Variants in CIB4 observed in about 807,000 individuals in gnomAD.
CIB4 encodes the protein calcium and integrin binding family member 4.
CIB4 carries 25 observed loss-of-function variants against 25.8 expected under a neutral mutation model. The ratio of observed to expected loss-of-function variants is 0.97; its 90% CI spans 0.71 to 1.35. The LOEUF (loss-of-function observed/expected upper bound fraction) is 1.35. CIB4 is among the 40% of genes most tolerant of loss of function. The probability of loss-of-function intolerance (pLI) is 0.00; values close to 1 mark genes in which losing one functional copy is unlikely to be tolerated. For missense variants in CIB4, 235 were observed against 228.2 expected, an observed-to-expected ratio of 1.03 and a Z score of -0.19; for synonymous variants, 75 against 81.4, an observed-to-expected ratio of 0.92 and a Z score of 0.42.
At chr2:26,589,216 TTCC>T (rs1269882403) in intron 4 of CIB4, among the ~76,000 whole-genome samples, 2 of 145,462 alleles carry the variant, frequency 1.4e-5, no homozygotes, top group Admixed American at 1.4e-4. Flanking sequence ...CCTCTTCTTC[TTCC>T]TCCTCCTCCC....
chr2:26,598,656 G>A (rs1415823331), intron 3 of CIB4, among the ~76,000 whole-genome samples: 1 of 152,172 alleles, frequency 6.6e-6, no homozygotes, highest in Non-Finnish European at 1.5e-5. Context: ...TCGCTGTAAG[G>A]CCTGGCAGGC....
At chr2:26,587,838 CTATA>C (rs1179910495) in intron 4 of CIB4, among the ~76,000 whole-genome samples, 1 of 152,150 alleles carries the variant, frequency 6.6e-6, no homozygotes, top group Non-Finnish European at 1.5e-5. Flanking sequence ...GGAACTAGAG[CTATA>C]TTGGTTTCTA....
chr2:26,629,080 C>A (rs1035085247), intron 3 of CIB4, among the ~76,000 whole-genome samples: 2 of 152,124 alleles, frequency 1.3e-5, no homozygotes, highest in African/African-American at 4.8e-5. Flanking sequence ...CCAGTGAGCA[C>A]CTCCAGATGG....
intron 2 of CIB4, among the ~76,000 whole-genome samples, chr2:26,631,305 T>C (rs1227536507): frequency 6.6e-6 from 1 of 152,098 alleles, no homozygotes; most frequent in Admixed American, 6.6e-5. Flanking sequence ...GGAGACCCCA[T>C]TTCTACAAAA....
At chr2:26,603,064 G>C (rs1206143113) in intron 3 of CIB4, among the ~76,000 whole-genome samples, 1 of 150,704 alleles carries the variant, frequency 6.6e-6, no homozygotes, top group African/African-American at 2.4e-5. Context: ...AAACGGGGTG[G>C]GGTGGGGGGG....
rs191294089 is a variant in CIB4 at position 26,636,702 on chromosome 2, T to A, written c.89+3831A>T. On this transcript the variant is annotated intron_variant, in intron 2 of 6. Coordinates refer to ENST00000288861, the MANE Select transcript of CIB4 (RefSeq NM_001029881.3). Reference sequence around the variant, plus strand: ...AAAGGTCCATAAGAGATGATTTTTTTAATTTGCATGACAAAAAGTATTGTT... The same window carrying A: ...AAAGGTCCATAAGAGATGATTTTTTAAATTTGCATGACAAAAAGTATTGTT... Among the ~76,000 whole-genome samples, 24 of 152,336 alleles carry A rather than the reference T, an allele frequency of 1.6e-4. No individual in the cohort carries two copies. In the East Asian group the frequency reaches 4.0e-3, roughly 26 times the overall value.
chr2:26,619,736 C>A (rs1190689636), intron 3 of CIB4, among the ~76,000 whole-genome samples: 3 of 151,822 alleles, frequency 2.0e-5, no homozygotes, highest in Non-Finnish European at 4.4e-5. Flanking sequence ...AAGGTGACAC[C>A]ACCCCGATCT....
At chr2:26,609,755 C>G (rs898587049) in intron 3 of CIB4, among the ~76,000 whole-genome samples, 1 of 152,216 alleles carries the variant, frequency 6.6e-6, no homozygotes, top group African/African-American at 2.4e-5. Context: ...AATTTTAATG[C>G]TGTTGTACTA....
At position 26,589,111 on chromosome 2, in the gene CIB4, T is replaced by C. The variant is rs1037411936; in HGVS notation, c.329-5213A>G. ...CTTCTTCTTCTTCTTCTTCTTCCTC[T>C]TCTTCTTCTTCTTCTTCTTCTTCTT... On this transcript the variant is annotated intron_variant, in intron 4 of 6. Transcript: ENST00000288861. Among the ~76,000 whole-genome samples the C allele has an allele frequency of 3.9e-4, 39 of 100,124 alleles. 1 individual carries two copies. The highest frequency in any genetic ancestry group is 1.2e-3 in the African/African-American group (22 of 18,606). The allele number at this position is 100,124 out of a possible 152,430, so 65.7% of individuals were successfully genotyped here.
At chr2:26,587,304 C>CAAAA (rs71399396) in intron 4 of CIB4, among the ~76,000 whole-genome samples, 3,470 of 61,446 alleles carry the variant, frequency 0.056, 1,021 homozygotes, top group African/African-American at 0.22. Context: ...GACTCCGTCT[C>CAAAA]AAAAAAAAAA....
rs1313921025 is a variant in CIB4 at position 26,595,334 on chromosome 2, G to T, written c.187-17C>A. ...AGGGTTGACCTGTGGGCGACAGGAG[G>T]AGCAGGGAGGAGGTCTATCAGGGTC... On this transcript the variant is annotated splice_polypyrimidine_tract_variant and intron_variant, in intron 3 of 6. Transcript: ENST00000288861. 1 of 1,607,142 alleles carries T rather than the reference G, an allele frequency of 6.2e-7. No individual in the cohort carries two copies. The highest frequency in any genetic ancestry group is 1.7e-5 in the Admixed American group (1 of 59,922).
intron 4 of CIB4, among the ~76,000 whole-genome samples, chr2:26,584,875 C>T (rs911812272): frequency 3.3e-5 from 5 of 152,070 alleles, no homozygotes; most frequent in African/African-American, 7.2e-5. Flanking sequence ...CACTGACTCC[C>T]GTGTGTGCCG....
chr2:26,601,217 CAAA>C (rs142951418), intron 3 of CIB4, among the ~76,000 whole-genome samples: 527 of 23,412 alleles, frequency 0.023, 5 homozygotes, highest in East Asian at 0.055. Context: ...GAGACCATGT[CAAA>C]AAAAAAAAAA....
intron 2 of CIB4, among the ~76,000 whole-genome samples, chr2:26,638,591 T>A (rs1669576902): frequency 6.6e-6 from 1 of 152,154 alleles, no homozygotes; most frequent in South Asian, 2.1e-4. Flanking sequence ...GGCATGGCCA[T>A]GCCCCCTTGC....
chr2:26,634,266 T>C (rs1030584970), intron 2 of CIB4, among the ~76,000 whole-genome samples: 2 of 152,192 alleles, frequency 1.3e-5, no homozygotes, highest in Non-Finnish European at 2.9e-5. Context: ...GGGTCAATAG[T>C]CCTTTGCTCT....
intron 3 of CIB4, among the ~76,000 whole-genome samples, chr2:26,607,464 A>C (rs527552949): frequency 1.3e-5 from 2 of 152,358 alleles, no homozygotes; most frequent in South Asian, 4.1e-4. Flanking sequence ...CATTTTTAAT[A>C]GCTTGTGATC....
intron 4 of CIB4, among the ~76,000 whole-genome samples, chr2:26,587,895 G>A (rs1474363988): frequency 6.6e-6 from 1 of 152,162 alleles, no homozygotes; most frequent in Non-Finnish European, 1.5e-5. Context: ...TAAGGCCCAG[G>A]TTTGCTCATG....
At chr2:26,594,034 C>T (rs1184478865) in intron 4 of CIB4, among the ~76,000 whole-genome samples, 5 of 152,210 alleles carry the variant, frequency 3.3e-5, no homozygotes, top group Non-Finnish European at 7.3e-5. Context: ...TTTCCACTCA[C>T]TGAAGCCTAC....
intron 3 of CIB4, among the ~76,000 whole-genome samples, chr2:26,615,252 G>C (rs532170315): frequency 6.6e-6 from 1 of 152,324 alleles, no homozygotes; most frequent in African/African-American, 2.4e-5. Context: ...AAAGCAGAAT[G>C]CCTCTCCATC....
Sources: gnomAD v4.1 joint callset for allele counts (sites outside exome capture counted in the v4.1 genomes callset) on GRCh38, gnomAD v4.1.1 for gene constraint, MANE v1.5 for transcripts, NCBI Gene and HGNC (gene_info 2026-07-23, HGNC 2026-07-21) for gene names.